NYAP2: variants seen among roughly 807,000 people sequenced by gnomAD.
The protein encoded by NYAP2 is neuronal tyrosine-phosphorylated phosphoinositide-3-kinase adaptor 2.
Under a neutral mutation model 50.4 loss-of-function variants are expected in NYAP2, and 23 were observed. The ratio of observed to expected loss-of-function variants is 0.46; its 90% CI spans 0.33 to 0.65. NYAP2 has a LOEUF of 0.65. Ranked by LOEUF, NYAP2 falls within the 30% of genes least tolerant of loss-of-function variation. The probability of loss-of-function intolerance (pLI) is 0.02; values close to 1 mark genes in which losing one functional copy is unlikely to be tolerated. For synonymous variants in NYAP2, 394 were observed against 365.2 expected, an observed-to-expected ratio of 1.08 and a Z score of -0.90; for missense variants, 885 against 861.0, an observed-to-expected ratio of 1.03 and a Z score of -0.35.
chr2:225,625,274 T>A (rs1416078609), intron 5 of NYAP2, among the ~76,000 whole-genome samples: 1 of 152,140 alleles, frequency 6.6e-6, no homozygotes, highest in Non-Finnish European at 1.5e-5. Context: ...ATTAGAATGA[T>A]GTGTGAAGAA....
At chr2:225,489,047 T>C (rs1350425684) in intron 3 of NYAP2, among the ~76,000 whole-genome samples, 1 of 152,202 alleles carries the variant, frequency 6.6e-6, no homozygotes, top group Non-Finnish European at 1.5e-5. Flanking sequence ...TCATGACTGA[T>C]GATGTCAATG....
chr2:225,684,519 T>A, the NYAP2 span, among the ~76,000 whole-genome samples: 1 of 151,974 alleles, frequency 6.6e-6, no homozygotes, highest in Admixed American at 6.6e-5. Context: ...TCCTGATTTG[T>A]TTTTTCCACC....
intron 3 of NYAP2, among the ~76,000 whole-genome samples, chr2:225,451,749 C>T (rs1405504571): frequency 6.6e-6 from 1 of 152,146 alleles, no homozygotes; most frequent in African/African-American, 2.4e-5. Context: ...TTTTTCTTAG[C>T]TTCAAAGCTC....
At chr2:225,576,656 A>G (rs1324721170) in intron 4 of NYAP2, among the ~76,000 whole-genome samples, 1 of 152,226 alleles carries the variant, frequency 6.6e-6, no homozygotes, top group East Asian at 1.9e-4. Flanking sequence ...ATATAACTCT[A>G]AAACATGATA....
At chr2:225,497,294 T>G (rs1254481739) in intron 3 of NYAP2, among the ~76,000 whole-genome samples, 1 of 152,200 alleles carries the variant, frequency 6.6e-6, no homozygotes, top group African/African-American at 2.4e-5. Context: ...CAACCTGTTG[T>G]GCATAGAGAC....
At chr2:225,551,678 CAGGCCAGTATATTA>C (rs1204866121) in intron 4 of NYAP2, among the ~76,000 whole-genome samples, 1 of 152,096 alleles carries the variant, frequency 6.6e-6, no homozygotes, top group Non-Finnish European at 1.5e-5. Flanking sequence ...TTATTATGTA[CAGGCCAGTATATTA>C]AGGCCTAAGA....
chr2:225,585,407 G>A (rs764125911), intron 5 of NYAP2, among the ~76,000 whole-genome samples: 1 of 152,128 alleles, frequency 6.6e-6, no homozygotes, highest in Non-Finnish European at 1.5e-5. Flanking sequence ...AACTAATGAA[G>A]CTATTTCAAG....
chr2:225,516,154 A>G (rs963754197), intron 4 of NYAP2, among the ~76,000 whole-genome samples: 1 of 152,146 alleles, frequency 6.6e-6, no homozygotes, highest in Non-Finnish European at 1.5e-5. Flanking sequence ...TCTTAAAAAT[A>G]GAAGGGATTC....
chr2:225,503,569 T>G (rs766761443), intron 3 of NYAP2, among the ~76,000 whole-genome samples: 2 of 152,192 alleles, frequency 1.3e-5, no homozygotes, highest in Non-Finnish European at 2.9e-5. Flanking sequence ...AAAAGGAACT[T>G]TGATAGAGGT....
chr2:225,522,522 A>C (rs1198429101), intron 4 of NYAP2, among the ~76,000 whole-genome samples: 1 of 152,156 alleles, frequency 6.6e-6, no homozygotes, highest in Non-Finnish European at 1.5e-5. Context: ...GTTATAAGTC[A>C]CTGCCTTAAA....
intron 4 of NYAP2, among the ~76,000 whole-genome samples, chr2:225,545,189 G>C (rs1691551601): frequency 6.6e-6 from 1 of 152,060 alleles, no homozygotes; most frequent in South Asian, 2.1e-4. Context: ...AAATCTGCTT[G>C]ATGTTCTATA....
chr2:225,547,406 T>C (rs1016301150), intron 4 of NYAP2, among the ~76,000 whole-genome samples: 3 of 152,234 alleles, frequency 2.0e-5, no homozygotes, highest in Non-Finnish European at 4.4e-5. Context: ...ATTGCAGTCC[T>C]TGTGGACTAC....
chr2:225,597,005 A>T (rs957200256), intron 5 of NYAP2, among the ~76,000 whole-genome samples: 17 of 152,320 alleles, frequency 1.1e-4, no homozygotes, highest in Non-Finnish European at 7.3e-5. Context: ...CTGTTTAACC[A>T]GCTTAAAAAA....
At position 225,582,417 on chromosome 2, in the gene NYAP2, C is replaced by A; in HGVS notation, c.1000C>A (p.Pro334Thr). The A allele has an allele frequency of 1.3e-6, 2 of 1,597,738 alleles. No individual in the cohort carries two copies. The highest frequency in any genetic ancestry group is 1.1e-5 in the South Asian group (1 of 89,308). Residue 334 changes from proline to threonine, a missense_variant, in exon 5 of 7, where the codon CCC becomes ACC. Coordinates refer to ENST00000636099, the Ensembl canonical transcript of NYAP2. This position sits in a 1 kb window ranked among gnomAD's most constrained non-coding sequence, Gnocchi z 7.0. ...CTTCCCCAACCTGCTTTCTCACAGACCCCCGCTGCTGGTATTTCCCCCCGC... is the reference window on the plus strand; with the variant it reads ...CTTCCCCAACCTGCTTTCTCACAGAACCCCGCTGCTGGTATTTCCCCCCGC...
At chr2:225,633,453 G>A (rs1559235850) in intron 6 of NYAP2, among the ~76,000 whole-genome samples, 1 of 152,188 alleles carries the variant, frequency 6.6e-6, no homozygotes, top group Non-Finnish European at 1.5e-5. Flanking sequence ...AAGTGAAGCA[G>A]GAAAGATGCC....
intron 6 of NYAP2, among the ~76,000 whole-genome samples, chr2:225,639,063 G>GA (rs57481799): frequency 0.95 from 142,650 of 150,294 alleles, 67,784 homozygotes; most frequent in Middle Eastern, 0.99. Context: ...TCATCAAAGT[G>GA]AAAAAAAAAA....
intron 3 of NYAP2, among the ~76,000 whole-genome samples, chr2:225,500,524 G>A (rs911846472): frequency 6.6e-6 from 1 of 152,134 alleles, no homozygotes; most frequent in Admixed American, 6.5e-5. Flanking sequence ...TTTGCAAGAA[G>A]CATTTCACTG....
chr2:225,479,216 G>A (rs1383072692), intron 3 of NYAP2, among the ~76,000 whole-genome samples: 1 of 152,146 alleles, frequency 6.6e-6, no homozygotes, highest in Non-Finnish European at 1.5e-5. Flanking sequence ...TCTTCAGCCA[G>A]AAGAAAAATC....
chr2:225,665,807 T>TAAACAAAA, the NYAP2 span, among the ~76,000 whole-genome samples: 1 of 20,996 alleles, frequency 4.8e-5, no homozygotes, highest in Non-Finnish European at 8.5e-5. Context: ...AGCCTCCGTC[T>TAAACAAAA]AAAAAAAAAA....
Sources: gnomAD v4.1 joint callset for allele counts (sites outside exome capture counted in the v4.1 genomes callset) on GRCh38, gnomAD v4.1.1 for gene constraint, Gnocchi (gnomAD v3.1) non-coding constraint, MANE v1.5 for transcripts, NCBI Gene and HGNC (gene_info 2026-07-23, HGNC 2026-07-21) for gene names.